The following CADPS variants were observed in gnomAD, a reference collection of about 807,000 sequenced individuals.
CADPS encodes the protein calcium dependent secretion activator, also known as calcium-dependent secretion activator 1.
Under a neutral mutation model 167.3 loss-of-function variants are expected in CADPS, and 57 were observed. That is an observed-to-expected ratio of 0.34 (90% CI 0.28 to 0.42). CADPS has a LOEUF of 0.42. CADPS is among the 20% of genes least tolerant of loss of function. The pLI, the probability that CADPS is intolerant of heterozygous loss-of-function variation, is 1.00. For missense variants in CADPS, 1,414 were observed against 1,738.1 expected (o/e 0.81, Z 3.32); for synonymous variants, 676 against 635.3 (o/e 1.06, Z -0.96).
chr3:62,839,868 G>A (rs2076397238), intron 1 of CADPS, among the ~76,000 whole-genome samples: 1 of 152,114 alleles, frequency 6.6e-6, no homozygotes, highest in South Asian at 2.1e-4. Flanking sequence ...CATGAGATGA[G>A]AGGGAGACAC....
At chr3:62,584,519 T>C (rs1054680708) in intron 8 of CADPS, among the ~76,000 whole-genome samples, 6 of 152,226 alleles carry the variant, frequency 3.9e-5, no homozygotes, top group African/African-American at 1.4e-4. Flanking sequence ...TCATGTTTTC[T>C]GAGATAATGA....
intron 1 of CADPS, among the ~76,000 whole-genome samples, chr3:62,786,325 C>T (rs304207): frequency 0.75 from 114,354 of 152,146 alleles, 43,251 homozygotes; most frequent in East Asian, 0.95. Context: ...AATGACTCTT[C>T]TAGTGTGTGA....
intron 3 of CADPS, among the ~76,000 whole-genome samples, chr3:62,741,543 T>C (rs1225965660): frequency 6.6e-6 from 1 of 152,204 alleles, no homozygotes; most frequent in African/African-American, 2.4e-5. Flanking sequence ...TCTCAATAGA[T>C]GCAGAAAAGG....
chr3:62,769,430 C>A (rs1332374861), intron 1 of CADPS, among the ~76,000 whole-genome samples: 3 of 151,966 alleles, frequency 2.0e-5, no homozygotes, highest in African/African-American at 7.3e-5. Flanking sequence ...TGAGGTTTCA[C>A]CATGTTGGCC....
At chr3:62,570,843 T>C (rs1263637672) in intron 9 of CADPS, 29 bp downstream of exon 9, 1 of 1,421,790 alleles carries the variant, frequency 7.0e-7, no homozygotes, top group South Asian at 1.2e-5. Context: ...TTAATACTGA[T>C]GTCTCTTAAG....
intron 1 of CADPS, among the ~76,000 whole-genome samples, chr3:62,849,511 T>G (rs1220621725): frequency 8.7e-6 from 1 of 114,546 alleles, no homozygotes; most frequent in Non-Finnish European, 1.9e-5. Flanking sequence ...TATCAAAGGC[T>G]TTTTCTGCAT....
intron 24 of CADPS, chr3:62,473,883 AC>A (rs2060922264): frequency 3.6e-6 from 1 of 279,074 alleles, no homozygotes; most frequent in Non-Finnish European, 6.6e-6. Flanking sequence ...TGTTCGAGAC[AC>A]CAGCCTAATA....
intron 6 of CADPS, among the ~76,000 whole-genome samples, chr3:62,637,867 T>A (rs1392956569): frequency 6.6e-6 from 1 of 152,024 alleles, no homozygotes; most frequent in Non-Finnish European, 1.5e-5. Context: ...ATCTCATAGG[T>A]TATGGTAGGG....
chr3:62,870,149 T>C (rs1422300203), intron 1 of CADPS, among the ~76,000 whole-genome samples: 1 of 152,096 alleles, frequency 6.6e-6, no homozygotes, highest in Admixed American at 6.6e-5. Context: ...GAGGGGAGAA[T>C]GCCAACAAGC....
rs2151333672 is a variant in CADPS, at chr3:62,501,989, T to C, written c.2600-2721A>G. ...AACCCTTTGCAATTTTACTTGAACATAAAACCATTAAAGTAAGCAGGTTAA... is the reference window on the plus strand; with the variant it reads ...AACCCTTTGCAATTTTACTTGAACACAAAACCATTAAAGTAAGCAGGTTAA... On this transcript the variant is annotated intron_variant, in intron 17 of 29. Transcript: ENST00000383710. Among the ~76,000 whole-genome samples the C allele has an allele frequency of 2.0e-5, 3 of 152,324 alleles. No individual in the cohort carries two copies. The East Asian group carries it at 5.8e-4, about 29-fold the overall frequency.
In CADPS at chr3:62,399,517, C is replaced by A. The variant is rs368491888; in HGVS notation, c.3951G>T (p.Thr1317=). Residue 1317 remains threonine (T), a synonymous_variant, in exon 30 of 30, where the codon ACG becomes ACT. Coordinates refer to ENST00000383710, the MANE Select transcript of CADPS (RefSeq NM_003716.4). The surrounding 1 kb of genome is among the most constrained non-coding windows in gnomAD (Gnocchi z 5.6). ...DSTLNSKTYE[T]IRNRLTVEEA... ...CCTCCACAGTGAGACGGTTCCGGAT[C>A]GTTTCATAGGTCTTGCTGTTTAAGG... 1.2e-6 allele frequency: 2 copies of A among 1,613,952 alleles called. No homozygotes were observed. Among genetic ancestry groups the A allele is most frequent in the South Asian group, 1.1e-5 (1 of 91,080 alleles).
At chr3:62,843,031 AT>A (rs1261073613) in intron 1 of CADPS, among the ~76,000 whole-genome samples, 3 of 152,074 alleles carry the variant, frequency 2.0e-5, no homozygotes, top group African/African-American at 7.2e-5. Context: ...ATGATGATTC[AT>A]TATCAAATTT....
chr3:62,748,316 A>G (rs1166587188), intron 3 of CADPS, among the ~76,000 whole-genome samples: 2 of 132,076 alleles, frequency 1.5e-5, no homozygotes, highest in Non-Finnish European at 3.1e-5. Flanking sequence ...ACTGCACTCC[A>G]GCCTGGGCGA....
rs9810137 is a variant in CADPS at position 62,512,876 on chromosome 3, A to G, written c.2582-108T>C. ...AATGCCCCCCACTTATGTGTGATACATGATATTGGAAAGAAAAGGTTGCCC... is the reference window on the plus strand; with the variant it reads ...AATGCCCCCCACTTATGTGTGATACGTGATATTGGAAAGAAAAGGTTGCCC... On this transcript the variant is annotated intron_variant, in intron 16 of 29. Coordinates refer to ENST00000383710, the MANE Select transcript of CADPS (RefSeq NM_003716.4). 1.2e-3 allele frequency: 1,008 copies of G among 830,518 alleles called. 7 individuals carry two copies. The African/African-American group carries it at 0.016, about 13-fold the overall frequency. The allele number at this position is 830,518 out of a possible 1,614,324, so 51.4% of individuals were successfully genotyped here.
At chr3:62,678,789 G>A (rs1246805597) in intron 3 of CADPS, among the ~76,000 whole-genome samples, 2 of 151,984 alleles carry the variant, frequency 1.3e-5, no homozygotes, top group Non-Finnish European at 2.9e-5. Flanking sequence ...GATTCTTCCT[G>A]GTGTTCAGGA....
At chr3:62,611,258 T>C (rs966767047) in intron 6 of CADPS, among the ~76,000 whole-genome samples, 4 of 151,992 alleles carry the variant, frequency 2.6e-5, no homozygotes, top group African/African-American at 9.7e-5. Flanking sequence ...AAGTGTAGAG[T>C]CATCCAGGAC....
chr3:62,808,657 C>T (rs907951586), intron 1 of CADPS, among the ~76,000 whole-genome samples: 1 of 152,042 alleles, frequency 6.6e-6, no homozygotes, highest in African/African-American at 2.4e-5. Context: ...TGGGGAGTGC[C>T]AGGGCCCTGT....
intron 6 of CADPS, among the ~76,000 whole-genome samples, chr3:62,612,658 T>C (rs569905544): frequency 1.3e-5 from 2 of 152,362 alleles, no homozygotes; most frequent in East Asian, 3.9e-4. Flanking sequence ...TGACTTCTAC[T>C]CTGGGCTTGT....
At chr3:62,590,561 A>G (rs1163699961) in intron 7 of CADPS, among the ~76,000 whole-genome samples, 2 of 151,990 alleles carry the variant, frequency 1.3e-5, no homozygotes, top group Non-Finnish European at 2.9e-5. Context: ...TTTTCGTTTT[A>G]TCTCCATCTG....
Sources: gnomAD v4.1 joint callset for allele counts (sites outside exome capture counted in the v4.1 genomes callset) on GRCh38, gnomAD v4.1.1 for gene constraint, Gnocchi (gnomAD v3.1) non-coding constraint, MANE v1.5 for transcripts, NCBI Gene and HGNC (gene_info 2026-07-23, HGNC 2026-07-21) for gene names.